MACF1: variants seen among roughly 807,000 people sequenced by gnomAD.
MACF1 encodes microtubule-actin cross-linking factor 1.
In MACF1, 193 loss-of-function variants were observed where a neutral mutation model predicts 854.8. The ratio of observed to expected loss-of-function variants is 0.23; its 90% confidence interval spans 0.20 to 0.25. The LOEUF (loss-of-function observed/expected upper bound fraction) is 0.25. Ranked by LOEUF, MACF1 falls within the 10% of genes least tolerant of loss-of-function variation. The pLI is 1.00. For synonymous variants in MACF1, 3,185 were observed against 3,226.7 expected, an observed-to-expected ratio of 0.99 and a Z score of 0.44; for missense variants, 7,722 against 8,929.1, an observed-to-expected ratio of 0.86 and a Z score of 5.45.
In MACF1 at chr1:39,435,655, T is replaced by C; in HGVS notation, c.17882T>C (p.Met5961Thr). ...LKELNPEEGE[M>T]VEEKYQKAEN... Reference sequence around the variant, plus strand: ...GAATTAAACCCTGAGGAAGGGGAAATGGTGGAAGAAAAATACCAGAAAGCA... The same window carrying C: ...GAATTAAACCCTGAGGAAGGGGAAACGGTGGAAGAAAAATACCAGAAAGCA... The change falls in exon 70 of 101, where the codon ATG (methionine) becomes ACG (threonine). Residue 5961 changes from methionine (M) to threonine (T), a missense_variant. Physicochemically the swap from Met to Thr is moderately conservative, Grantham distance 81. Transcript: ENST00000564288. 6.2e-7 allele frequency: 1 copy of C among 1,613,920 alleles called. No individual in the cohort carries two copies. The highest frequency in any genetic ancestry group is 8.5e-7 in the Non-Finnish European group (1 of 1,179,940).
At chr1:39,193,663 A>G (rs1644283247) in intron 2 of MACF1, among the ~76,000 whole-genome samples, 1 of 152,128 alleles carries the variant, frequency 6.6e-6, no homozygotes, top group South Asian at 2.1e-4. Context: ...CCTTTTTGAC[A>G]TGAGATAACT....
intron 37 of MACF1, among the ~76,000 whole-genome samples, 188 bp from the exon 38 acceptor site, chr1:39,336,994 C>A (rs1004899783): frequency 7.2e-5 from 11 of 152,186 alleles, no homozygotes; most frequent in Admixed American, 4.6e-4. Context: ...AGCTTCTGCT[C>A]TCTGAGGAAA....
chr1:39,458,106 G>A (rs1481086372), intron 89 of MACF1: 2 of 355,746 alleles, frequency 5.6e-6, no homozygotes, highest in African/African-American at 4.1e-5. Context: ...AGGGCACCAA[G>A]GCCATTCATG....
rs779129680 is a variant in MACF1 at position 39,334,747 on chromosome 1, T to C, written c.8159T>C (p.Ile2720Thr). ...EKLVDENMVR[I>T]IASHQVLNGG... is the part of the protein sequence containing the mutation. ...CTGGTGGATGAAAACATGGTCAGAA[T>C]TATTGCATCTCATCAGGTGTTAAAT... The change falls in exon 37 of 101, where the codon ATT becomes ACT. Residue 2720 changes from isoleucine to threonine, a missense_variant. Coordinates refer to ENST00000564288, the MANE Select transcript of MACF1 (RefSeq NM_001394062.1). The C allele has an allele frequency of 9.1e-5, 147 of 1,614,024 alleles. 1 individual carries two copies. Among genetic ancestry groups the C allele is most frequent in the Non-Finnish European group, 1.2e-4 (142 of 1,180,014 alleles).
chr1:39,142,955 G>A (rs772042161), intron 2 of MACF1, among the ~76,000 whole-genome samples: 2 of 152,182 alleles, frequency 1.3e-5, no homozygotes, highest in African/African-American at 2.4e-5. Flanking sequence ...TCCACAAGGC[G>A]CTGACCTACT....
At position 39,337,184 on chromosome 1, in the gene MACF1, T is replaced by G. The variant is rs1433549635; in HGVS notation, c.10068T>G (p.Asn3356Lys). 2 of 1,611,996 alleles carry G rather than the reference T, an allele frequency of 1.2e-6. No individual in the cohort carries two copies. The highest frequency in any genetic ancestry group is 2.7e-5 in the African/African-American group (2 of 74,990). Residue 3356 changes from asparagine (N) to lysine (K), a missense_variant and splice_region_variant, in exon 38 of 101, where the codon AAT (asparagine) becomes AAG (lysine). Around this residue, in one of 15 missense-constraint regions of MACF1, gnomAD observed 854 missense variants for 852.6 expected, o/e 1.00. Transcript: ENST00000564288. ...VNPEPFRATQ[N>K]VFTRQLCLEH... ...CAGCTTTCTTTTTGGCTCCACAGAA[T>G]GTATTTACCCGGCAACTCTGTTTAG...
intron 38 of MACF1, among the ~76,000 whole-genome samples, chr1:39,339,164 G>A (rs1373086259): frequency 2.0e-5 from 3 of 151,986 alleles, no homozygotes; most frequent in Non-Finnish European, 2.9e-5. Context: ...TGAGGCAGGA[G>A]GATTTGCCTG....
chr1:39,454,498 C>T (rs1644397946), intron 88 of MACF1, among the ~76,000 whole-genome samples: 2 of 152,112 alleles, frequency 1.3e-5, no homozygotes, highest in African/African-American at 4.8e-5. Context: ...GGTGGTCTCT[C>T]CTCTAAAAAG....
chr1:39,266,678 G>A (rs531830527), intron 6 of MACF1, among the ~76,000 whole-genome samples: 2 of 146,518 alleles, frequency 1.4e-5, no homozygotes, highest in African/African-American at 5.1e-5. Flanking sequence ...GGCTTGCATG[G>A]AACCAGGCAG....
intron 6 of MACF1, chr1:39,269,627 T>C (rs1645277650): frequency 7.8e-7 from 1 of 1,289,750 alleles, no homozygotes; most frequent in Non-Finnish European, 1.0e-6. Flanking sequence ...AGCCTAAAGA[T>C]ACAGAACCTG....
At chr1:39,310,182 G>A (rs1646271950) in intron 24 of MACF1, 63 bp from the exon 25 acceptor site, 1 of 1,324,108 alleles carries the variant, frequency 7.6e-7, no homozygotes, top group Admixed American at 2.3e-5. Context: ...CAGTAAAATG[G>A]AGGAAAAGAG....
chr1:39,449,099 C>T (rs1644283803), intron 84 of MACF1, among the ~76,000 whole-genome samples: 1 of 152,154 alleles, frequency 6.6e-6, no homozygotes, highest in Non-Finnish European at 1.5e-5. Flanking sequence ...ACATGCATTA[C>T]CTCATTTAAC....
intron 41 of MACF1, among the ~76,000 whole-genome samples, chr1:39,348,869 T>G (rs1285407086): frequency 6.6e-6 from 1 of 152,202 alleles, no homozygotes; most frequent in Middle Eastern, 3.2e-3. Flanking sequence ...CCTAAAGGAC[T>G]GAGCCAGTTG....
chr1:39,306,670 C>T (rs1646185254), intron 23 of MACF1, among the ~76,000 whole-genome samples: 1 of 140,068 alleles, frequency 7.1e-6, no homozygotes, highest in Admixed American at 7.5e-5. Flanking sequence ...TCAGTACTGT[C>T]TCTGTGATAC....
chr1:39,352,858 G>T, intron 43 of MACF1, 149 bp from the exon 44 acceptor site: 1 of 472,642 alleles, frequency 2.1e-6, no homozygotes. Flanking sequence ...TAAAAGATAT[G>T]AATTCTCTTT....
At chr1:39,330,396 C>T (rs1320012148) in intron 36 of MACF1, among the ~76,000 whole-genome samples, 2 of 152,224 alleles carry the variant, frequency 1.3e-5, no homozygotes, top group Non-Finnish European at 2.9e-5. Flanking sequence ...ATAAATCTCT[C>T]TTATTCTATG....
At chr1:39,317,443 T>C (rs149012695) in intron 29 of MACF1, 36 bp downstream of exon 29, 449 of 1,598,634 alleles carry the variant, frequency 2.8e-4, no homozygotes, top group Non-Finnish European at 3.7e-4. Context: ...CCTATTAGAG[T>C]TCAGGGACTA....
At chr1:39,368,743 C>T (rs551084009) in intron 50 of MACF1, among the ~76,000 whole-genome samples, 24 of 152,220 alleles carry the variant, frequency 1.6e-4, no homozygotes, top group Admixed American at 7.2e-4. Context: ...CTCAGGTGAT[C>T]GACCTGCCTC....
In MACF1 at chr1:39,333,200, G is replaced by T. The variant is rs200624995; in HGVS notation, c.6612G>T (p.Lys2204Asn). 1.7e-5 allele frequency: 27 copies of T among 1,612,376 alleles called. No homozygotes were observed. The East Asian group carries it at 5.1e-4, about 31-fold the overall frequency. Residue 2204 changes from lysine to asparagine, a missense_variant, in exon 37 of 101, where the codon AAG becomes AAT. Transcript: ENST00000564288. ...GCAAAAAGTTACAAGTTCAGGTAAA[G>T]AAAACTCTAGGTATAAAGTTAGAAC... ...PQSKKLQVQV[K>N]KTLGIKLELK...
Sources: gnomAD v4.1 joint callset for allele counts (sites outside exome capture counted in the v4.1 genomes callset) on GRCh38, gnomAD v4.1.1 for gene constraint, gnomAD v4.1.1 regional missense constraint, MANE v1.5 for transcripts, NCBI Gene and HGNC (gene_info 2026-07-23, HGNC 2026-07-21) for gene names.